POU6F1: variants seen among roughly 807,000 people sequenced by gnomAD.
POU6F1 encodes POU domain, class 6, transcription factor 1.
POU6F1 carries 9 observed loss-of-function variants against 28.9 expected under a neutral mutation model. That is an observed-to-expected ratio of 0.31 (90% CI 0.19 to 0.54). The LOEUF (loss-of-function observed/expected upper bound fraction) is 0.54. POU6F1 is among the 20% of genes least tolerant of loss of function. The pLI, the probability that POU6F1 is intolerant of heterozygous loss-of-function variation, is 0.94. For synonymous variants in POU6F1, 173 were observed against 171.1 expected (o/e 1.01, Z -0.09); for missense variants, 338 against 426.1 (o/e 0.79, Z 1.82).
chr12:51,213,149 T>G (rs1026183324), intron 1 of POU6F1, among the ~76,000 whole-genome samples: 3 of 152,090 alleles, frequency 2.0e-5, no homozygotes, highest in Admixed American at 6.5e-5. Flanking sequence ...GTTGCCCAGG[T>G]TAGTCAGGAA....
At chr12:51,216,906 A>G (rs1216944008) in intron 1 of POU6F1, among the ~76,000 whole-genome samples, 2 of 152,146 alleles carry the variant, frequency 1.3e-5, no homozygotes, top group African/African-American at 4.8e-5. Context: ...TTCTGCCGCG[A>G]AAGTGGAGGT....
chr12:51,198,423 G>A (rs535281200), intron 5 of POU6F1, 127 bp downstream of exon 5: 5 of 398,094 alleles, frequency 1.3e-5, no homozygotes, highest in Admixed American at 4.4e-5. Flanking sequence ...CCAAGACACC[G>A]GATCCAGACT....
At chr12:51,201,544 A>C (rs73106974) in intron 3 of POU6F1, 6 of 33,958 alleles carry the variant, frequency 1.8e-4, no homozygotes, top group Non-Finnish European at 6.1e-4. Flanking sequence ...TAAAAAAAAA[A>C]CAAAAAAATT....
chr12:51,196,713 A>G (rs867677126), intron 7 of POU6F1, 86 bp downstream of exon 7: 2 of 1,503,246 alleles, frequency 1.3e-6, no homozygotes, highest in African/African-American at 1.4e-5. Context: ...TCGAGTTTCT[A>G]TGACCCACAG....
intron 1 of POU6F1, among the ~76,000 whole-genome samples, chr12:51,209,177 C>A (rs1943824855): frequency 1.3e-5 from 2 of 152,198 alleles, no homozygotes; most frequent in African/African-American, 4.8e-5. Flanking sequence ...CTTTAAAGTG[C>A]TCCGTACAGT....
At position 51,199,255 on chromosome 12, in the gene POU6F1, G is replaced by A. The variant is rs1943052819; in HGVS notation, c.367-480C>T. ...CCACAGAGGCCTCCGAGAAGTTTCT[G>A]AAGGACCATACCCTTGGCTGGATGC... On this transcript the variant is annotated intron_variant, in intron 4 of 10. Transcript: ENST00000333640. The surrounding 1 kb of genome is among the most constrained non-coding windows in gnomAD (Gnocchi z 4.1). Among the ~76,000 whole-genome samples the A allele has an allele frequency of 6.6e-6, 1 of 152,070 alleles. No individual in the cohort carries two copies.
At position 51,199,589 on chromosome 12, in the gene POU6F1, C is replaced by CTGGA. The variant is rs1403406737; in HGVS notation, c.366+154_366+157dup. On this transcript the variant is annotated intron_variant, in intron 4 of 10. Transcript: ENST00000333640. The surrounding 1 kb of genome is among the most constrained non-coding windows in gnomAD (Gnocchi z 4.1). ...GGGCCTGATCTAGGCAGGGGTGAGGCTGGATGTGCCTAGTGGGAGAGTCCC... is the reference window on the plus strand; with the variant it reads ...GGGCCTGATCTAGGCAGGGGTGAGGCTGGATGGATGTGCCTAGTGGGAGAGTCCC... Among the ~76,000 whole-genome samples the CTGGA allele has an allele frequency of 1.3e-5, 2 of 152,204 alleles. No individual in the cohort carries two copies. The highest frequency in any genetic ancestry group is 2.9e-5 in the Non-Finnish European group (2 of 68,026).
Position 51,190,660 on chromosome 12 carries a change from T to G in POU6F1, c.1491-68A>C. ...TGGTCTCTTTGGCACACCCCGCACC[T>G]AGGTGCAGGCTCCATCCTCAAGGGG... is the stretch of plus-strand genomic sequence containing the variant. On this transcript the variant is annotated intron_variant, in intron 10 of 10. Transcript: ENST00000333640. The surrounding 1 kb of genome is among the most constrained non-coding windows in gnomAD (Gnocchi z 4.5). The G allele has an allele frequency of 6.4e-7, 1 of 1,563,094 alleles. No homozygotes were observed. The highest frequency in any genetic ancestry group is 1.4e-5 in the African/African-American group (1 of 73,626).
intron 8 of POU6F1, among the ~76,000 whole-genome samples, chr12:51,195,061 T>C (rs7297398): frequency 0.036 from 5,516 of 152,292 alleles, 337 homozygotes; most frequent in African/African-American, 0.13. Context: ...GCTTGAGAAC[T>C]GCTGCTCTAG....
chr12:51,210,859 C>T (rs1056902448), intron 1 of POU6F1, among the ~76,000 whole-genome samples: 3 of 152,314 alleles, frequency 2.0e-5, no homozygotes, highest in South Asian at 4.1e-4. Flanking sequence ...CTGTCTCTGT[C>T]TTACCTTTAG....
At chr12:51,206,641 T>C in intron 2 of POU6F1, 148 bp downstream of exon 2, 1 of 396,934 alleles carries the variant, frequency 2.5e-6, no homozygotes, top group Non-Finnish European at 4.4e-6. Context: ...CCCTGAGAAA[T>C]CCTAAATGGC....
chr12:51,187,468 G>A lies in POU6F1; in HGVS notation c.*2779C>T, dbSNP rs1262352241. 2 of 152,180 alleles carry A rather than the reference G, an allele frequency of 1.3e-5. No individual in the cohort carries two copies. The highest frequency in any genetic ancestry group is 4.8e-5 in the African/African-American group (2 of 41,430). The allele number at this position is 152,180 out of a possible 1,614,324, so 9.4% of individuals were successfully genotyped here. ...AATAAAATAAACCTACCTCCTAGGT[G>A]AGAGGTTCAGGCCCCAGCTGCTTCC... is the stretch of plus-strand genomic sequence containing the variant. On this transcript the variant is annotated 3_prime_UTR_variant, in exon 11 of 11. Coordinates refer to ENST00000333640, the MANE Select transcript of POU6F1 (RefSeq NM_001330422.2).
intron 1 of POU6F1, among the ~76,000 whole-genome samples, chr12:51,208,220 GCTTGAGCCTGGGAGGCA>G (rs1565630477): frequency 2.0e-4 from 30 of 151,922 alleles, no homozygotes; most frequent in Middle Eastern, 3.4e-3. Context: ...TGGGAAGATC[GCTTGAGCCTGGGAGGCA>G]GAGGTTGCAG....
In POU6F1 at chr12:51,197,823, T is replaced by C. The variant is rs1208079663; in HGVS notation, c.793A>G (p.Thr265Ala). The change falls in exon 6 of 11, where the codon ACC becomes GCC. Residue 265 changes from threonine (T) to alanine (A), a missense_variant. Thr to Ala is a moderately conservative substitution (Grantham distance 58). Coordinates refer to ENST00000333640, the MANE Select transcript of POU6F1 (RefSeq NM_001330422.2). ...GGCTGGACGGTGATCTGTGGGGGGG[T>C]GTCCACTGGCTTGGGGGTAGGGGCA... is the stretch of plus-strand genomic sequence containing the variant. ...AAAPTPKPVD[T>A]PPQITVQPAG... The C allele has an allele frequency of 2.8e-5, 9 of 323,958 alleles. No homozygotes were observed. Among genetic ancestry groups the C allele is most frequent in the South Asian group, 1.4e-4 (1 of 7,164 alleles). 20.1% of individuals were successfully genotyped at this position (323,958 alleles called of 1,614,324 possible).
chr12:51,209,875 C>A (rs1334064500), intron 1 of POU6F1, among the ~76,000 whole-genome samples: 1 of 152,114 alleles, frequency 6.6e-6, no homozygotes, highest in Non-Finnish European at 1.5e-5. Context: ...GCAGGAGGGG[C>A]AGAGGAATTT....
At chr12:51,206,541 T>C (rs899283296) in intron 2 of POU6F1, among the ~76,000 whole-genome samples, 1 of 151,896 alleles carries the variant, frequency 6.6e-6, no homozygotes, top group African/African-American at 2.4e-5. Flanking sequence ...AATTACCTGA[T>C]GTTCAAACCT....
Position 51,196,071 on chromosome 12 carries a change from T to C in POU6F1, c.1078A>G (p.Asn360Asp). ...VQAVTPQLLL[N>D]AQGQVIATLA... ...GTCGCAATCACCTGGCCCTGGGCGT[T>C]CAACAACAGCTGGGGGGTCACGGCC... The change falls in exon 8 of 11, where the codon AAC becomes GAC. Residue 360 changes from asparagine (N) to aspartate (D), a missense_variant. By Grantham distance (23) the Asn-to-Asp change is conservative. Transcript: ENST00000333640. 1 of 1,608,424 alleles carries C rather than the reference T, an allele frequency of 6.2e-7. No homozygotes were observed.
At chr12:51,208,338 T>C (rs1327690494) in intron 1 of POU6F1, among the ~76,000 whole-genome samples, 1 of 152,036 alleles carries the variant, frequency 6.6e-6, no homozygotes, top group Non-Finnish European at 1.5e-5. Context: ...ATCAGGCAAA[T>C]AGCTTTAGAC....
chr12:51,209,182 T>C (rs965868843), intron 1 of POU6F1, among the ~76,000 whole-genome samples: 2 of 152,236 alleles, frequency 1.3e-5, no homozygotes, highest in African/African-American at 4.8e-5. Context: ...AAGTGCTCCG[T>C]ACAGTGGAAT....
Sources: allele counts gnomAD v4.1 joint callset (sites outside exome capture counted in the v4.1 genomes callset), GRCh38; gene constraint gnomAD v4.1.1; non-coding constraint Gnocchi (gnomAD v3.1); transcripts MANE v1.5; gene names NCBI Gene and HGNC (gene_info 2026-07-23, HGNC 2026-07-21).